PRKAG2: variants seen among roughly 807,000 people sequenced by gnomAD.
PRKAG2 encodes 5'-AMP-activated protein kinase subunit gamma-2.
A neutral mutation model predicts 69.6 loss-of-function variants in PRKAG2; 26 were observed. The observed-to-expected ratio is 0.37, with a 90% CI of 0.27 to 0.52. The LOEUF is 0.52. Among genes scored for constraint, PRKAG2 ranks in the 20% least tolerant of loss-of-function variants. The pLI, the probability that PRKAG2 is intolerant of heterozygous loss-of-function variation, is 0.90. For missense variants in PRKAG2, 557 were observed against 740.0 expected (o/e 0.75, Z 2.87); for synonymous variants, 293 against 285.0 (o/e 1.03, Z -0.28).
intron 1 of PRKAG2, among the ~76,000 whole-genome samples, chr7:151,845,755 G>T (rs1288270776): frequency 6.6e-6 from 1 of 152,186 alleles, no homozygotes; most frequent in Non-Finnish European, 1.5e-5. Context: ...AAAACACTGC[G>T]GGGGCGGGAA....
At chr7:151,737,344 T>TTAA (rs1554575517) in intron 3 of PRKAG2, among the ~76,000 whole-genome samples, 1 of 143,200 alleles carries the variant, frequency 7.0e-6, no homozygotes, top group South Asian at 2.2e-4. Flanking sequence ...CCATCTCTAT[T>TTAA]AAAAAAAAAA....
intron 3 of PRKAG2, among the ~76,000 whole-genome samples, chr7:151,759,268 T>C (rs533819846): frequency 6.6e-6 from 1 of 152,260 alleles, no homozygotes; most frequent in South Asian, 2.1e-4. Flanking sequence ...TGGCTCCATC[T>C]CACCACTGGC....
In PRKAG2 at chr7:151,599,917, C is replaced by T. The variant is rs200139334; in HGVS notation, c.755-4463G>A. ...CTCCTGCTCCGTATTTTCTCCAACC[C>T]CCTATTTTTTTCCAGTCCTCCATCA... is the stretch of plus-strand genomic sequence containing the variant. On this transcript the variant is annotated intron_variant, in intron 5 of 15. Transcript: ENST00000287878. Among the ~76,000 whole-genome samples, 20 of 152,288 alleles carry T rather than the reference C, an allele frequency of 1.3e-4. No homozygotes were observed. The East Asian group carries it at 3.9e-3, about 29-fold the overall frequency.
At chr7:151,639,074 C>T (rs1422043346) in intron 4 of PRKAG2, among the ~76,000 whole-genome samples, 1 of 152,202 alleles carries the variant, frequency 6.6e-6, no homozygotes, top group Non-Finnish European at 1.5e-5. Flanking sequence ...CACCACTGTG[C>T]CTGACATGTC....
intron 1 of PRKAG2, chr7:151,809,402 G>A (rs938100574): frequency 8.1e-6 from 3 of 368,700 alleles, no homozygotes; most frequent in South Asian, 2.0e-5. Context: ...TCCACCTGGC[G>A]AGCTTCGAGG....
intron 3 of PRKAG2, among the ~76,000 whole-genome samples, chr7:151,680,458 A>G (rs1005426820): frequency 1.3e-5 from 2 of 152,196 alleles, no homozygotes; most frequent in Admixed American, 6.5e-5. Context: ...TCTGTATCGA[A>G]TGATACCATT....
chr7:151,755,422 G>A (rs1468081962), intron 3 of PRKAG2, among the ~76,000 whole-genome samples: 1 of 152,118 alleles, frequency 6.6e-6, no homozygotes, highest in Non-Finnish European at 1.5e-5. Flanking sequence ...GTGTGCACAA[G>A]ACACAGTCAG....
At chr7:151,564,383 C>T in intron 13 of PRKAG2, 159 bp from the exon 14 acceptor site, 2 of 689,458 alleles carry the variant, frequency 2.9e-6, no homozygotes, top group Admixed American at 2.4e-5. Flanking sequence ...TACGACATGC[C>T]ATTGCTACTG....
intron 3 of PRKAG2, among the ~76,000 whole-genome samples, chr7:151,741,273 A>C (rs1457727431): frequency 6.6e-6 from 1 of 152,232 alleles, no homozygotes; most frequent in Non-Finnish European, 1.5e-5. Context: ...TTAGGAAAAG[A>C]CCTGAACAAG....
intron 3 of PRKAG2, among the ~76,000 whole-genome samples, chr7:151,735,600 C>T (rs990820160): frequency 1.2e-4 from 19 of 152,206 alleles, no homozygotes; most frequent in African/African-American, 3.9e-4. Context: ...TTACTTTTCC[C>T]CTGAGCCACA....
chr7:151,869,570 C>T (rs1395827582), intron 1 of PRKAG2, among the ~76,000 whole-genome samples: 3 of 152,236 alleles, frequency 2.0e-5, no homozygotes, highest in African/African-American at 7.2e-5. Flanking sequence ...TTTGTGCAGG[C>T]TCCGCACTAT....
In PRKAG2 at chr7:151,679,783, G is replaced by GGT. The variant is rs571342041; in HGVS notation, c.467-4147_467-4146insAC. Among the ~76,000 whole-genome samples the GGT allele has an allele frequency of 3.8e-3, 581 of 152,206 alleles. 4 individuals are homozygous for GGT. The highest frequency in any genetic ancestry group is 0.013 in the African/African-American group (542 of 41,522). ...GCAGGGCATGATCAAAACTAGCCCT[G>GGT]GCCAGGTGCGGTGGCTCATGCCTGT... On this transcript the variant is annotated intron_variant, in intron 3 of 15. Transcript: ENST00000287878.
intron 1 of PRKAG2, among the ~76,000 whole-genome samples, chr7:151,811,851 C>T (rs2078439041): frequency 6.6e-6 from 1 of 152,202 alleles, no homozygotes; most frequent in African/African-American, 2.4e-5. Flanking sequence ...CCATGTGGCT[C>T]ATAAGTACAG....
intron 2 of PRKAG2, among the ~76,000 whole-genome samples, chr7:151,785,223 A>G (rs895747505): frequency 1.3e-5 from 2 of 152,388 alleles, no homozygotes; most frequent in East Asian, 3.9e-4. Flanking sequence ...AGCTGGGGCC[A>G]GGGCCTGGCT....
chr7:151,631,721 C>T, intron 5 of PRKAG2: 1 of 462,638 alleles, frequency 2.2e-6, no homozygotes, highest in South Asian at 1.5e-5. Context: ...GGGTTGCCTC[C>T]GAGTGCATGG....
At chr7:151,787,040 G>C (rs1271142196) in intron 1 of PRKAG2, among the ~76,000 whole-genome samples, 1 of 152,172 alleles carries the variant, frequency 6.6e-6, no homozygotes, top group Non-Finnish European at 1.5e-5. Context: ...GTCTAAAATA[G>C]ATTTGGGGAA....
At chr7:151,862,581 GT>G (rs2079958806) in intron 1 of PRKAG2, among the ~76,000 whole-genome samples, 1 of 152,208 alleles carries the variant, frequency 6.6e-6, no homozygotes, top group African/African-American at 2.4e-5. Flanking sequence ...TGTGTGAGAG[GT>G]GGCTTCCTCA....
chr7:151,845,768 G>T lies in PRKAG2; in HGVS notation c.114+30739C>A, dbSNP rs142914185. 2.0e-4 allele frequency among the ~76,000 whole-genome samples: 31 copies of T among 152,322 alleles called. 1 individual carries two copies. The East Asian group carries it at 4.8e-3, about 24-fold the overall frequency. The stretch of plus-strand genomic sequence containing the variant: ...CCAAAACACTGCGGGGGCGGGAAAG[G>T]CCCCACCTAGGAGATCAGAGCTCTT... On this transcript the variant is annotated intron_variant, in intron 1 of 15. Transcript: ENST00000287878.
Position 151,788,776 on chromosome 7 carries a change from T to C in PRKAG2, c.115-2235A>G, listed in dbSNP as rs1415754588. The stretch of plus-strand genomic sequence containing the variant: ...TTTCTTCTAAGAGTTTTATATTTTA[T>C]GGTTTTAGCTCTTATATTTAGGTCT... On this transcript the variant is annotated intron_variant, in intron 1 of 15. Coordinates refer to ENST00000287878, the MANE Select transcript of PRKAG2 (RefSeq NM_016203.4). The surrounding 1 kb of genome is among the most constrained non-coding windows in gnomAD (Gnocchi z 4.6). 3.9e-5 allele frequency among the ~76,000 whole-genome samples: 6 copies of C among 152,258 alleles called. No individual in the cohort carries two copies. The highest frequency in any genetic ancestry group is 1.5e-5 in the Non-Finnish European group (1 of 68,040).
Sources: allele counts gnomAD v4.1 joint callset (sites outside exome capture counted in the v4.1 genomes callset), GRCh38; gene constraint gnomAD v4.1.1; non-coding constraint Gnocchi (gnomAD v3.1); transcripts MANE v1.5; gene names NCBI Gene and HGNC (gene_info 2026-07-23, HGNC 2026-07-21).